The following RAB6A variants were observed in gnomAD, a reference collection of about 807,000 sequenced individuals.
RAB6A encodes the protein RAB6A, member RAS oncogene family, also known as ras-related protein Rab-6A.
A neutral mutation model predicts 32.3 loss-of-function variants in RAB6A; 8 were observed. That is an observed-to-expected ratio of 0.25 (90% CI 0.15 to 0.45). The LOEUF (loss-of-function observed/expected upper bound fraction) is 0.45. RAB6A is among the 20% of genes least tolerant of loss of function. The pLI is 1.00. For synonymous variants in RAB6A, 73 were observed against 82.1 expected, an observed-to-expected ratio of 0.89 and a Z score of 0.60; for missense variants, 104 against 249.4, an observed-to-expected ratio of 0.42 and a Z score of 3.93.
chr11:73,740,308 C>A (rs981660879), intron 1 of RAB6A, among the ~76,000 whole-genome samples: 3 of 152,116 alleles, frequency 2.0e-5, no homozygotes, highest in African/African-American at 7.2e-5. Flanking sequence ...AAGACACTAT[C>A]TAGTCATTGT....
chr11:73,737,344 G>A (rs551965501), intron 1 of RAB6A, among the ~76,000 whole-genome samples: 1 of 152,008 alleles, frequency 6.6e-6, no homozygotes, highest in Non-Finnish European at 1.5e-5. Context: ...ATTTACTAGA[G>A]TGTGGTGGCA....
At chr11:73,704,857 G>T (rs917649643) in intron 6 of RAB6A, among the ~76,000 whole-genome samples, 10 of 149,078 alleles carry the variant, frequency 6.7e-5, no homozygotes, top group African/African-American at 2.5e-4. Flanking sequence ...TTAGCCAGGC[G>T]TGGTGGTGGG....
intron 6 of RAB6A, among the ~76,000 whole-genome samples, chr11:73,704,472 CA>C (rs1240565147): frequency 6.6e-6 from 1 of 151,728 alleles, no homozygotes; most frequent in Middle Eastern, 3.2e-3. Flanking sequence ...ATCACGAGGT[CA>C]GGAGATCGAG....
intron 3 of RAB6A, 187 bp from the exon 4 acceptor site, chr11:73,718,905 AAAAT>A: frequency 6.4e-7 from 1 of 1,567,620 alleles, no homozygotes; most frequent in Non-Finnish European, 8.6e-7. Context: ...GAGATGGGAA[AAAAT>A]AAATAAAAAA....
At chr11:73,717,608 C>T (rs1257277285) in intron 4 of RAB6A, among the ~76,000 whole-genome samples, 1 of 152,166 alleles carries the variant, frequency 6.6e-6, no homozygotes, top group Admixed American at 6.5e-5. Flanking sequence ...CCACACCTGG[C>T]TAATTTTGCA....
chr11:73,740,599 AAC>A (rs1229621855), intron 1 of RAB6A, among the ~76,000 whole-genome samples: 2 of 151,180 alleles, frequency 1.3e-5, no homozygotes, highest in Non-Finnish European at 3.0e-5. Flanking sequence ...AAAAAAAAAA[AAC>A]TAGCTGGCCA....
At chr11:73,715,632 T>C (rs919413157) in intron 5 of RAB6A, among the ~76,000 whole-genome samples, 2 of 152,218 alleles carry the variant, frequency 1.3e-5, no homozygotes, top group South Asian at 2.1e-4. Context: ...GCAGAAAGAA[T>C]ATGCAGTAAA....
chr11:73,740,441 T>C (rs1017075216), intron 1 of RAB6A, among the ~76,000 whole-genome samples: 3 of 152,180 alleles, frequency 2.0e-5, no homozygotes, highest in African/African-American at 7.2e-5. Context: ...GATGCAATTC[T>C]AGAGGAAAAC....
intron 6 of RAB6A, among the ~76,000 whole-genome samples, chr11:73,689,895 C>CAAAAA (rs5792626): frequency 9.8e-5 from 6 of 60,932 alleles, no homozygotes; most frequent in Non-Finnish European, 1.4e-4. Context: ...GACTCCGTCT[C>CAAAAA]AAAAAAAAAA....
At chr11:73,754,716 T>C (rs371265737) in intron 1 of RAB6A, among the ~76,000 whole-genome samples, 1 of 152,068 alleles carries the variant, frequency 6.6e-6, no homozygotes, top group South Asian at 2.1e-4. Flanking sequence ...GCCAGGAGTT[T>C]GAGACCAGCC....
intron 1 of RAB6A, among the ~76,000 whole-genome samples, chr11:73,754,801 T>C (rs1309578597): frequency 1.3e-5 from 2 of 151,644 alleles, no homozygotes; most frequent in African/African-American, 4.8e-5. Context: ...GTACCTGTGG[T>C]CCCAGCTATT....
At chr11:73,685,668 C>G (rs1475930710) in intron 6 of RAB6A, among the ~76,000 whole-genome samples, 1 of 138,706 alleles carries the variant, frequency 7.2e-6, no homozygotes, top group African/African-American at 2.7e-5. Context: ...CATCTGAGGT[C>G]AGGAGTTTGA....
chr11:73,757,012 T>TTAAGATTGA (rs1024962582), intron 1 of RAB6A, among the ~76,000 whole-genome samples: 2 of 148,552 alleles, frequency 1.3e-5, no homozygotes, highest in Non-Finnish European at 3.0e-5. Context: ...TTATCTAAGG[T>TTAAGATTGA]TAAGATTGAT....
intron 1 of RAB6A, among the ~76,000 whole-genome samples, chr11:73,752,437 C>T (rs547039223): frequency 4.3e-4 from 65 of 152,106 alleles, no homozygotes; most frequent in Non-Finnish European, 8.5e-4. Context: ...GCCGGGGTGA[C>T]AGGGCAAGAT....
intron 6 of RAB6A, among the ~76,000 whole-genome samples, chr11:73,687,240 G>C (rs1945473397): frequency 1.3e-5 from 2 of 152,064 alleles, no homozygotes; most frequent in African/African-American, 4.8e-5. Flanking sequence ...GAAATAAGGA[G>C]TTATTATTTA....
chr11:73,723,027 G>A (rs541085469), intron 2 of RAB6A, among the ~76,000 whole-genome samples: 16 of 152,134 alleles, frequency 1.1e-4, no homozygotes, highest in African/African-American at 2.6e-4. Context: ...GGCTGGTCTC[G>A]AACTCCTGGC....
intron 6 of RAB6A, among the ~76,000 whole-genome samples, chr11:73,688,119 T>G (rs1945489090): frequency 1.3e-5 from 2 of 152,204 alleles, no homozygotes; most frequent in Non-Finnish European, 2.9e-5. Context: ...CAACTTTCCT[T>G]TTGTGATTAA....
At chr11:73,681,755 A>G (rs544170705) in intron 6 of RAB6A, among the ~76,000 whole-genome samples, 2 of 152,226 alleles carry the variant, frequency 1.3e-5, no homozygotes, top group South Asian at 4.1e-4. Context: ...GTTGCAGTGG[A>G]CCAAGATCTT....
intron 6 of RAB6A, among the ~76,000 whole-genome samples, chr11:73,689,895 C>CAAAAAAAAAAAAAAAAAAA (rs5792626): frequency 1.6e-5 from 1 of 60,962 alleles, no homozygotes; most frequent in Non-Finnish European, 3.4e-5. Context: ...GACTCCGTCT[C>CAAAAAAAAAAAAAAAAAAA]AAAAAAAAAA....
Sources: gnomAD v4.1 joint callset for allele counts (sites outside exome capture counted in the v4.1 genomes callset) on GRCh38, gnomAD v4.1.1 for gene constraint, MANE v1.5 for transcripts, NCBI Gene and HGNC (gene_info 2026-07-23, HGNC 2026-07-21) for gene names.